IQCM: variants seen among roughly 807,000 people sequenced by gnomAD.
The protein encoded by IQCM is IQ domain-containing protein M.
In IQCM, 45 loss-of-function variants were observed where a neutral mutation model predicts 57.6. The observed-to-expected ratio is 0.78, with a 90% confidence interval of 0.62 to 1.00. The LOEUF is 1.00. Among genes scored for constraint, IQCM ranks in the 50% least tolerant of loss-of-function variants. IQCM has a pLI of 0.00. For synonymous variants in IQCM, 148 were observed against 158.9 expected (o/e 0.93, Z 0.51); for missense variants, 468 against 511.6 (o/e 0.91, Z 0.82).
chr4:149,680,118 A>C (rs977182165), intron 7 of IQCM, among the ~76,000 whole-genome samples: 1 of 151,400 alleles, frequency 6.6e-6, no homozygotes, highest in South Asian at 2.1e-4. Context: ...CCTAAATAAC[A>C]AATCAGTGAA....
chr4:149,807,508 A>C (rs1257408760), intron 2 of IQCM, among the ~76,000 whole-genome samples: 3 of 152,054 alleles, frequency 2.0e-5, no homozygotes, highest in African/African-American at 7.2e-5. Flanking sequence ...GCTACAGGAC[A>C]TCAGTCTGGG....
intron 7 of IQCM, among the ~76,000 whole-genome samples, chr4:149,652,289 C>T (rs576093090): frequency 6.6e-6 from 1 of 151,846 alleles, no homozygotes; most frequent in Non-Finnish European, 1.5e-5. Flanking sequence ...CATGCCAGGG[C>T]CTGTTGAGGG....
At chr4:149,526,052 C>G (rs928275658) in intron 12 of IQCM, among the ~76,000 whole-genome samples, 1 of 151,772 alleles carries the variant, frequency 6.6e-6, no homozygotes, top group Admixed American at 6.6e-5. Flanking sequence ...ATACATCTAC[C>G]ATTGGGAATT....
intron 5 of IQCM, among the ~76,000 whole-genome samples, chr4:149,698,920 T>A (rs375053218): frequency 6.6e-6 from 1 of 152,056 alleles, no homozygotes; most frequent in East Asian, 1.9e-4. Flanking sequence ...AAGATTGCCA[T>A]AAGGATTGTG....
rs969953971 is a variant in IQCM at position 149,736,151 on chromosome 4, C to A, written c.38-693G>T. Among the ~76,000 whole-genome samples the A allele has an allele frequency of 6.4e-3, 978 of 151,984 alleles. 15 individuals are homozygous for A. The highest frequency in any genetic ancestry group is 0.021 in the African/African-American group (889 of 41,458). On this transcript the variant is annotated intron_variant, in intron 3 of 13. Coordinates refer to ENST00000636793, the MANE Select transcript of IQCM (RefSeq NM_001363507.2). ...ATTGTAGAGATGGGGTTTCACCATG[C>A]TGCCCAGGCTGGTCTCGAACTCCAG...
At chr4:149,448,430 T>C in intron 12 of IQCM, among the ~76,000 whole-genome samples, 1 of 151,476 alleles carries the variant, frequency 6.6e-6, no homozygotes, top group East Asian at 1.9e-4. Flanking sequence ...AGCCAAGCTT[T>C]TGCCTTAAAA....
At chr4:149,535,587 G>A (rs898234513) in intron 12 of IQCM, among the ~76,000 whole-genome samples, 11 of 151,946 alleles carry the variant, frequency 7.2e-5, no homozygotes, top group Admixed American at 2.0e-4. Context: ...TAAAGCCCCC[G>A]CTGTTCCTGC....
chr4:149,762,232 T>C (rs560117333), intron 2 of IQCM, among the ~76,000 whole-genome samples: 1 of 148,510 alleles, frequency 6.7e-6, no homozygotes, highest in South Asian at 2.1e-4. Context: ...TGCTCAGTGA[T>C]GAAAAAAAAA....
chr4:149,683,901 T>C lies in IQCM; in HGVS notation c.477-1695A>G, dbSNP rs562770206. On this transcript the variant is annotated intron_variant, in intron 6 of 13. Transcript: ENST00000636793. ...ATTTTATAATATCCTCATTCTGTTA[T>C]GAAATTGATCAGAACAACCTAAACA... 2.6e-5 allele frequency among the ~76,000 whole-genome samples: 4 copies of C among 151,392 alleles called. No homozygotes were observed. The East Asian group carries it at 7.8e-4, about 29-fold the overall frequency.
At chr4:149,474,500 G>T (rs1739954949) in intron 12 of IQCM, among the ~76,000 whole-genome samples, 1 of 151,338 alleles carries the variant, frequency 6.6e-6, no homozygotes. Flanking sequence ...TTGAGGTCAG[G>T]AGTTCGAGAC....
chr4:149,533,083 G>A (rs1746913729), intron 12 of IQCM, among the ~76,000 whole-genome samples: 1 of 151,918 alleles, frequency 6.6e-6, no homozygotes. Flanking sequence ...AGAAGAAACA[G>A]CAAATGCAAG....
intron 2 of IQCM, among the ~76,000 whole-genome samples, chr4:149,795,235 C>G (rs1373782058): frequency 6.6e-6 from 1 of 152,140 alleles, no homozygotes; most frequent in Non-Finnish European, 1.5e-5. Context: ...AATAACTCCT[C>G]CACCCCTGGC....
chr4:149,566,530 G>A (rs2149946576), intron 9 of IQCM, among the ~76,000 whole-genome samples: 1 of 152,212 alleles, frequency 6.6e-6, no homozygotes, highest in African/African-American at 2.4e-5. Context: ...GAGAGAGAGA[G>A]AGAGAAAAGT....
intron 7 of IQCM, among the ~76,000 whole-genome samples, chr4:149,673,540 T>C (rs911994292): frequency 6.6e-6 from 1 of 152,040 alleles, no homozygotes. Flanking sequence ...CATTACATAA[T>C]GGTAAAGGGA....
At chr4:149,643,110 T>C (rs1423203848) in intron 7 of IQCM, among the ~76,000 whole-genome samples, 1 of 152,090 alleles carries the variant, frequency 6.6e-6, no homozygotes, top group African/African-American at 2.4e-5. Context: ...TAACCAGACA[T>C]AGGAACAACA....
intron 12 of IQCM, among the ~76,000 whole-genome samples, chr4:149,494,028 A>G (rs894929606): frequency 1.3e-5 from 2 of 152,004 alleles, no homozygotes; most frequent in African/African-American, 4.8e-5. Flanking sequence ...CTGTCAAGAT[A>G]CAAGTCTTTT....
chr4:149,774,219 C>T (rs1770854011), intron 2 of IQCM, among the ~76,000 whole-genome samples: 1 of 151,906 alleles, frequency 6.6e-6, no homozygotes, highest in Non-Finnish European at 1.5e-5. Flanking sequence ...GGTAAAAAAA[C>T]ACATAACATA....
intron 2 of IQCM, among the ~76,000 whole-genome samples, chr4:149,789,652 T>C (rs1056609097): frequency 2.6e-5 from 4 of 152,164 alleles, no homozygotes; most frequent in African/African-American, 9.7e-5. Context: ...ACACCTGTGG[T>C]CCCAGATACT....
intron 2 of IQCM, among the ~76,000 whole-genome samples, chr4:149,766,970 C>G (rs970940066): frequency 6.6e-6 from 1 of 151,834 alleles, no homozygotes; most frequent in Non-Finnish European, 1.5e-5. Context: ...TTACTTAGGG[C>G]TAACTGAAAT....
Sources: allele counts gnomAD v4.1 joint callset (sites outside exome capture counted in the v4.1 genomes callset), GRCh38; gene constraint gnomAD v4.1.1; transcripts MANE v1.5; gene names NCBI Gene and HGNC (gene_info 2026-07-23, HGNC 2026-07-21).